OR10R2: variants seen among roughly 807,000 people sequenced by gnomAD.
OR10R2 encodes olfactory receptor family 10 subfamily R member 2, also known as olfactory receptor 10R2.
A neutral mutation model predicts 2.4 loss-of-function variants in OR10R2; 1 was observed. That is an observed-to-expected ratio of 0.41 (90% CI 0.15 to 1.95). The LOEUF (loss-of-function observed/expected upper bound fraction) is 1.95, where lower values mean the gene tolerates loss of function less well. Ranked by LOEUF, OR10R2 falls within the 30% of genes most tolerant of loss-of-function variation. OR10R2 has a pLI of 0.30. For synonymous variants in OR10R2, 166 were observed against 144.8 expected (o/e 1.15, Z -1.05); for missense variants, 419 against 373.0 (o/e 1.12, Z -1.01).
chr1:158,472,483 T>C, intron 1 of OR10R2, 131 bp downstream of exon 1: 2 of 397,182 alleles, frequency 5.0e-6, no homozygotes, highest in Non-Finnish European at 8.9e-6. Context: ...GATTAAGATA[T>C]ACGGCAACTG....
exon 2 of OR10R2, chr1:158,479,997 T>C (rs757197138): frequency 1.1e-5 from 17 of 1,613,806 alleles, no homozygotes; most frequent in Non-Finnish European, 1.4e-5. Flanking sequence ...TTTCCAGCCT[T>C]GGTGAAATTC....
chr1:158,474,477 T>C (rs1312376657), intron 1 of OR10R2: 2 of 152,222 alleles, frequency 1.3e-5, no homozygotes, highest in African/African-American at 4.8e-5. Flanking sequence ...AAGATATTTA[T>C]TCTTTTTAAA....
chr1:158,479,504 T>C (rs1656335484), intron 1 of OR10R2, among the ~76,000 whole-genome samples: 1 of 152,190 alleles, frequency 6.6e-6, no homozygotes. Context: ...TTAATATCAT[T>C]TTTAGATTTT....
exon 1 of OR10R2, chr1:158,472,346 C>T (rs1322603979): frequency 1.3e-5 from 5 of 398,758 alleles, no homozygotes; most frequent in African/African-American, 4.1e-5. Context: ...TTCTGGGGAG[C>T]GAAGTAGTAA....
intron 1 of OR10R2, among the ~76,000 whole-genome samples, chr1:158,473,809 T>C (rs6695294): frequency 0.074 from 2,462 of 33,226 alleles, 44 homozygotes; most frequent in African/African-American, 0.096. Context: ...TCTGCTTCCT[T>C]CCTCCCTCCT....
At chr1:158,473,712 C>T (rs1656205021) in intron 1 of OR10R2, among the ~76,000 whole-genome samples, 1 of 151,918 alleles carries the variant, frequency 6.6e-6, no homozygotes, top group Non-Finnish European at 1.5e-5. Context: ...GTCTTTCCTT[C>T]CTTTTTTCTT....
chr1:158,477,113 A>C (rs1483918952), intron 1 of OR10R2, among the ~76,000 whole-genome samples: 1 of 152,236 alleles, frequency 6.6e-6, no homozygotes, highest in Non-Finnish European at 1.5e-5. Context: ...CAATAGATGC[A>C]GAAAATTTTC....
chr1:158,480,109 C>T lies in OR10R2; in HGVS notation c.199C>T (p.Pro67Ser), dbSNP rs201080691. 9.7e-5 allele frequency: 157 copies of T among 1,613,606 alleles called. No individual in the cohort carries two copies. The highest frequency in any genetic ancestry group is 1.2e-4 in the Non-Finnish European group (144 of 1,179,536). ...CCACCTGGATAAAAGCCTCCACACA[C>T]CAATGTACTTCTTCCTTGGCATTCT... The change falls in exon 2 of 2, where the codon CCA becomes TCA. Residue 67 changes from proline (P) to serine (S), a missense_variant. Physicochemically the swap from Pro to Ser is moderately conservative, Grantham distance 74. Transcript: ENST00000641067.
exon 1 of OR10R2, chr1:158,472,256 A>C (rs1656179804): frequency 1.3e-5 from 5 of 398,766 alleles, no homozygotes; most frequent in Non-Finnish European, 1.8e-5. Flanking sequence ...GCTAATGTGA[A>C]CCAGAAAAAA....
At chr1:158,479,576 A>G (rs1325431444) in intron 1 of OR10R2, among the ~76,000 whole-genome samples, 1 of 152,230 alleles carries the variant, frequency 6.6e-6, no homozygotes, top group Non-Finnish European at 1.5e-5. Context: ...TTTAATCACC[A>G]GAACCTGAGA....
At chr1:158,480,146 A>T in exon 2 of OR10R2, 1 of 1,614,010 alleles carries the variant, frequency 6.2e-7, no homozygotes, top group Non-Finnish European at 8.5e-7. Flanking sequence ...TCAACATCTG[A>T]GACCTTCTAC....
At chr1:158,476,618 CT>C (rs1656277606) in intron 1 of OR10R2, among the ~76,000 whole-genome samples, 2 of 150,784 alleles carry the variant, frequency 1.3e-5, no homozygotes, top group Admixed American at 1.3e-4. Flanking sequence ...ATTAATGCTT[CT>C]TTAAGTATAT....
At chr1:158,472,932 T>G (rs962341688) in intron 1 of OR10R2, among the ~76,000 whole-genome samples, 1 of 152,216 alleles carries the variant, frequency 6.6e-6, no homozygotes, top group Non-Finnish European at 1.5e-5. Flanking sequence ...CATTTTTTAC[T>G]TATGTTGTCC....
At chr1:158,472,462 G>A (rs1656183459) in intron 1 of OR10R2, 110 bp downstream of exon 1, 1 of 397,842 alleles carries the variant, frequency 2.5e-6, no homozygotes, top group Admixed American at 4.4e-5. Flanking sequence ...TCCTTAAAGG[G>A]CCTGGGCCAT....
chr1:158,472,758 G>C (rs12072160), intron 1 of OR10R2, among the ~76,000 whole-genome samples: 2 of 151,994 alleles, frequency 1.3e-5, no homozygotes, highest in Admixed American at 6.6e-5. Flanking sequence ...TAGCTGGATG[G>C]GCAGATAAAA....
rs913979092 is a variant in OR10R2, at chr1:158,478,565, A to T, written c.28-1373A>T. Among the ~76,000 whole-genome samples, 73 of 152,176 alleles carry T rather than the reference A, an allele frequency of 4.8e-4. 1 individual carries two copies. The highest frequency in any genetic ancestry group is 1.8e-3 in the African/African-American group (73 of 41,438). On this transcript the variant is annotated intron_variant, in intron 1 of 1. Coordinates refer to ENST00000641067, the Ensembl canonical transcript of OR10R2. Reference sequence around the variant, plus strand: ...CTTTGACTATTTACTGCAGAAAAAAACTATTGTAAGTTTCAAACCCCAATT... The same window carrying T: ...CTTTGACTATTTACTGCAGAAAAAATCTATTGTAAGTTTCAAACCCCAATT...
At chr1:158,479,766 A>G (rs902762043) in intron 1 of OR10R2, 172 bp from the exon 2 acceptor site, 8 of 656,208 alleles carry the variant, frequency 1.2e-5, no homozygotes, top group Non-Finnish European at 2.1e-5. Context: ...GACTTTGAAG[A>G]TGGAAGAAGA....
At chr1:158,478,739 GA>G (rs1656320983) in intron 1 of OR10R2, among the ~76,000 whole-genome samples, 1 of 152,154 alleles carries the variant, frequency 6.6e-6, no homozygotes, top group Non-Finnish European at 1.5e-5. Context: ...AGGAAAGAAG[GA>G]AGGTGATAAG....
At chr1:158,474,516 G>A (rs1656234627) in intron 1 of OR10R2, 1 of 152,124 alleles carries the variant, frequency 6.6e-6, no homozygotes, top group African/African-American at 2.4e-5. Context: ...AGATTCCATA[G>A]TTCTGGCTCT....
Sources: allele counts gnomAD v4.1 joint callset (sites outside exome capture counted in the v4.1 genomes callset), GRCh38; gene constraint gnomAD v4.1.1; transcripts MANE v1.5; gene names NCBI Gene and HGNC (gene_info 2026-07-23, HGNC 2026-07-21).